GRAMD1B: variants seen among roughly 807,000 people sequenced by gnomAD.
GRAMD1B encodes the protein GRAM domain containing 1B.
A neutral mutation model predicts 99.7 loss-of-function variants in GRAMD1B; 37 were observed. That is an observed-to-expected ratio of 0.37 (90% confidence interval 0.29 to 0.49). GRAMD1B has a LOEUF of 0.49. Ranked by LOEUF, GRAMD1B falls within the 20% of genes least tolerant of loss-of-function variation. GRAMD1B has a pLI of 0.98. For synonymous variants in GRAMD1B, 427 were observed against 387.6 expected (o/e 1.10, Z -1.19); for missense variants, 888 against 1,009.2 (o/e 0.88, Z 1.63).
intron 2 of GRAMD1B, among the ~76,000 whole-genome samples, chr11:123,545,527 G>C (rs1428290700): frequency 1.3e-5 from 2 of 152,198 alleles, no homozygotes; most frequent in Non-Finnish European, 2.9e-5. Flanking sequence ...CCTGGAGCCA[G>C]GCCCCTGGGT....
chr11:123,499,613 G>A (rs1939650364), intron 2 of GRAMD1B, among the ~76,000 whole-genome samples: 1 of 152,154 alleles, frequency 6.6e-6, no homozygotes, highest in Admixed American at 6.5e-5. Flanking sequence ...ATTAAATGCT[G>A]GCTCCCTTTC....
At chr11:123,575,032 T>G (rs1328854637) in intron 2 of GRAMD1B, among the ~76,000 whole-genome samples, 3 of 152,166 alleles carry the variant, frequency 2.0e-5, no homozygotes, top group African/African-American at 7.2e-5. Flanking sequence ...GCTGATGTGT[T>G]GAAGGCAGCA....
chr11:123,432,024 G>A (rs113744132), intron 1 of GRAMD1B: 21 of 398,640 alleles, frequency 5.3e-5, no homozygotes, highest in African/African-American at 3.3e-4. Context: ...TTAGGGTCCT[G>A]TCTCTTAATG....
At chr11:123,550,414 G>C (rs934569275) in intron 2 of GRAMD1B, among the ~76,000 whole-genome samples, 1 of 152,030 alleles carries the variant, frequency 6.6e-6, no homozygotes, top group African/African-American at 2.4e-5. Context: ...CACACACACT[G>C]ACACATACTC....
rs201446605 is a variant in GRAMD1B, at chr11:123,540,957, TTTTTCTTTTC to T, written c.453-36395_453-36386del. Among the ~76,000 whole-genome samples, 556 of 152,168 alleles carry T rather than the reference TTTTTCTTTTC, an allele frequency of 3.7e-3. 3 individuals are homozygous for T. The highest frequency in any genetic ancestry group is 0.013 in the African/African-American group (528 of 41,542). On this transcript the variant is annotated intron_variant, in intron 2 of 19. Coordinates refer to ENST00000635736, the MANE Select transcript of GRAMD1B (RefSeq NM_001387025.1). ...TTAAAAATAAATGTCATGACTAGCATTTTTCTTTTCTTTTCTTTTCTTTTTTTTCTTTTTG... is the reference window on the plus strand; with the variant it reads ...TTAAAAATAAATGTCATGACTAGCATTTTTCTTTTCTTTTTTTTCTTTTTG...
rs373570631 is a variant in GRAMD1B at position 123,619,134 on chromosome 11, C to A, written c.2454C>A (p.Ala818=). The A allele has an allele frequency of 5.8e-6, 9 of 1,564,716 alleles. No individual in the cohort carries two copies. Among genetic ancestry groups the A allele is most frequent in the Non-Finnish European group, 7.8e-6 (9 of 1,154,200 alleles). ...ERLPQSQTEW[A]QLLESQQKYH... Reference sequence around the variant, plus strand: ...TACCCCAGTCTCAGACAGAATGGGCCCAGCTCTTAGAGTCCCAACAAAAGT... The same window carrying A: ...TACCCCAGTCTCAGACAGAATGGGCACAGCTCTTAGAGTCCCAACAAAAGT... The change falls in exon 19 of 20, where the codon GCC becomes GCA. Residue 818 remains alanine, a synonymous_variant. Coordinates refer to ENST00000635736, the MANE Select transcript of GRAMD1B (RefSeq NM_001387025.1).
Position 123,575,685 on chromosome 11 carries a change from C to A in GRAMD1B, c.453-1682C>A, listed in dbSNP as rs78802461. On this transcript the variant is annotated intron_variant, in intron 2 of 19. Transcript: ENST00000635736. ...CACGCTTCCCCAGGGGTTGTGCACT[C>A]ATGGATCTGCCTGCCACCAGCCCCA... Among the ~76,000 whole-genome samples the A allele has an allele frequency of 5.5e-4, 84 of 152,280 alleles. No homozygotes were observed. The East Asian group carries it at 0.013, about 23-fold the overall frequency.
chr11:123,588,184 A>G (rs147283158), intron 4 of GRAMD1B, among the ~76,000 whole-genome samples: 7 of 152,054 alleles, frequency 4.6e-5, no homozygotes, highest in Non-Finnish European at 7.4e-5. Context: ...GCTGAGATCA[A>G]TGCCCCACCG....
At chr11:123,413,610 C>T (rs1948127510) in intron 1 of GRAMD1B, among the ~76,000 whole-genome samples, 1 of 152,062 alleles carries the variant, frequency 6.6e-6, no homozygotes, top group Admixed American at 6.5e-5. Context: ...CTCTGAAGAG[C>T]TGCAGGATAC....
Position 123,522,195 on chromosome 11 carries a change from C to T in GRAMD1B, c.452+41302C>T, listed in dbSNP as rs558229188. 1.1e-4 allele frequency among the ~76,000 whole-genome samples: 17 copies of T among 152,268 alleles called. No homozygotes were observed. The South Asian group carries it at 2.5e-3, about 22-fold the overall frequency. On this transcript the variant is annotated intron_variant, in intron 2 of 19. Coordinates refer to ENST00000635736, the MANE Select transcript of GRAMD1B (RefSeq NM_001387025.1). ...TTTTCAAACCATGGAGACTGCTTTC[C>T]GTGAGAAGATAAAGAGGGAAGTTAG...
Position 123,548,325 on chromosome 11 carries a change from T to TACACACACACACACAC in GRAMD1B, c.453-29032_453-29017dup, listed in dbSNP as rs138083511. 4.2e-3 allele frequency among the ~76,000 whole-genome samples: 360 copies of TACACACACACACACAC among 86,698 alleles called. 6 individuals carry two copies. The highest frequency in any genetic ancestry group is 5.4e-3 in the Non-Finnish European group (255 of 47,496). The allele number at this position is 86,698 out of a possible 152,430, so 56.9% of individuals were successfully genotyped here. A position where few individuals can be genotyped will look rare whatever the true frequency, so the allele number is the denominator to read the frequency against. ...ATATATATATATATATATATATATATACACACACACACACACACACACACA... is the reference window on the plus strand; with the variant it reads ...ATATATATATATATATATATATATATACACACACACACACACACACACACACACACACACACACACA... On this transcript the variant is annotated intron_variant, in intron 2 of 19. Transcript: ENST00000635736.
intron 3 of GRAMD1B, 110 bp downstream of exon 3, chr11:123,577,687 C>G: frequency 1.3e-6 from 1 of 785,234 alleles, no homozygotes; most frequent in Non-Finnish European, 2.1e-6. Context: ...ATGAACAGCC[C>G]TGATGGCTCA....
intron 1 of GRAMD1B, among the ~76,000 whole-genome samples, chr11:123,401,253 CT>C (rs11355053): frequency 0.45 from 67,860 of 152,006 alleles, 15,291 homozygotes; most frequent in African/African-American, 0.52. Context: ...TACTTTGCCC[CT>C]CCCTCTGTCC....
chr11:123,490,013 C>CA (rs1938367048), intron 2 of GRAMD1B, among the ~76,000 whole-genome samples: 1 of 152,112 alleles, frequency 6.6e-6, no homozygotes, highest in Admixed American at 6.5e-5. Context: ...CTCGTCTCTG[C>CA]AAAAAATAGC....
At position 123,623,483 on chromosome 11, in the gene GRAMD1B, A is replaced by G. The variant is rs1325713110; in HGVS notation, c.*888A>G. On this transcript the variant is annotated 3_prime_UTR_variant, in exon 20 of 20. Coordinates refer to ENST00000635736, the MANE Select transcript of GRAMD1B (RefSeq NM_001387025.1). ...AAACCTCTTTTAGTGCTTCTAAGCA[A>G]GTCAGGTCTGTGGCTCTGAGGCCTT... The G allele has an allele frequency of 6.6e-6, 1 of 152,216 alleles. No homozygotes were observed. Among genetic ancestry groups the G allele is most frequent in the Non-Finnish European group, 1.5e-5 (1 of 68,080 alleles). 9.4% of individuals were successfully genotyped at this position (152,216 alleles called of 1,614,324 possible). A position where few individuals can be genotyped will look rare whatever the true frequency, so the allele number is the denominator to read the frequency against.
At chr11:123,361,445 C>G (rs920634861) in intron 1 of GRAMD1B, among the ~76,000 whole-genome samples, 4 of 152,170 alleles carry the variant, frequency 2.6e-5, no homozygotes, top group African/African-American at 9.7e-5. Context: ...GAAGAGGTCA[C>G]TTTCTCCTGG....
At chr11:123,442,550 ACTTG>A (rs1340077993) in intron 1 of GRAMD1B, among the ~76,000 whole-genome samples, 1 of 152,232 alleles carries the variant, frequency 6.6e-6, no homozygotes, top group Non-Finnish European at 1.5e-5. Flanking sequence ...TGGGAGGATC[ACTTG>A]AGGTCCAGAG....
intron 2 of GRAMD1B, among the ~76,000 whole-genome samples, chr11:123,521,705 T>A (rs1455370057): frequency 6.6e-6 from 1 of 152,226 alleles, no homozygotes; most frequent in Non-Finnish European, 1.5e-5. Flanking sequence ...GAATTTTCCT[T>A]TTAGTTCCTG....
At chr11:123,382,878 G>C (rs1946928433) in intron 1 of GRAMD1B, among the ~76,000 whole-genome samples, 1 of 152,190 alleles carries the variant, frequency 6.6e-6, no homozygotes, top group Admixed American at 6.5e-5. Context: ...AGTAGCAAGG[G>C]AGAAGCTGAG....
Sources: allele counts gnomAD v4.1 joint callset (sites outside exome capture counted in the v4.1 genomes callset), GRCh38; gene constraint gnomAD v4.1.1; transcripts MANE v1.5; gene names NCBI Gene and HGNC (gene_info 2026-07-23, HGNC 2026-07-21).